The following GRM5 variants were observed in gnomAD, a reference collection of about 807,000 sequenced individuals.
GRM5 encodes the protein glutamate metabotropic receptor 5, also known as metabotropic glutamate receptor 5.
Under a neutral mutation model 83.1 loss-of-function variants are expected in GRM5, and 19 were observed. That is an observed-to-expected ratio of 0.23 (90% CI 0.16 to 0.34). The LOEUF (loss-of-function observed/expected upper bound fraction) is 0.34. Ranked by LOEUF, GRM5 falls within the 10% of genes least tolerant of loss-of-function variation. GRM5 has a pLI of 1.00. For missense variants in GRM5, 1,160 were observed against 1,588.3 expected (o/e 0.73, Z 4.58); for synonymous variants, 675 against 633.6 (o/e 1.07, Z -0.98).
rs1340694484 is a variant in GRM5 at position 88,891,457 on chromosome 11, C to A, written c.662-41302G>T. 2.0e-5 allele frequency among the ~76,000 whole-genome samples: 3 copies of A among 151,852 alleles called. No individual in the cohort carries two copies. In the East Asian group the frequency reaches 5.8e-4, roughly 29 times the overall value. On this transcript the variant is annotated intron_variant, in intron 2 of 9. Coordinates refer to ENST00000305447, the MANE Select transcript of GRM5 (RefSeq NM_001143831.3). ...GTGGCTTTCTAGATTGTTCAGGGGG[C>A]CCCTGAAACATTCAGAAAATAGGTG...
At chr11:88,595,227 A>G (rs952496706) in intron 6 of GRM5, among the ~76,000 whole-genome samples, 1 of 152,116 alleles carries the variant, frequency 6.6e-6, no homozygotes, top group African/African-American at 2.4e-5. Flanking sequence ...CCATCATCTC[A>G]AATATTTATT....
intron 4 of GRM5, among the ~76,000 whole-genome samples, chr11:88,611,329 T>C (rs1308151592): frequency 1.3e-5 from 2 of 152,228 alleles, no homozygotes; most frequent in Non-Finnish European, 2.9e-5. Flanking sequence ...AATTTGGCTT[T>C]GATTCTATTG....
At chr11:88,933,183 G>T in intron 2 of GRM5, among the ~76,000 whole-genome samples, 1 of 120,452 alleles carries the variant, frequency 8.3e-6, no homozygotes, top group Non-Finnish European at 1.6e-5. Context: ...CAAATATTTG[G>T]GGCATTTTTT....
intron 2 of GRM5, among the ~76,000 whole-genome samples, chr11:88,909,401 T>C (rs1038743571): frequency 1.8e-3 from 21 of 11,462 alleles, no homozygotes; most frequent in African/African-American, 3.1e-3. Flanking sequence ...TTTTCTACTT[T>C]CCACTGCCAA....
At chr11:88,862,075 G>A (rs1944573787) in intron 2 of GRM5, among the ~76,000 whole-genome samples, 1 of 152,254 alleles carries the variant, frequency 6.6e-6, no homozygotes. Context: ...AAGCTACTCT[G>A]CATTCATTGT....
At chr11:88,726,789 A>G (rs1487477696) in intron 3 of GRM5, among the ~76,000 whole-genome samples, 5 of 151,528 alleles carry the variant, frequency 3.3e-5, no homozygotes, top group South Asian at 2.1e-4. Flanking sequence ...CCAGCCAACT[A>G]AACTTCATAA....
chr11:89,006,129 G>C (rs1386651714), intron 2 of GRM5, among the ~76,000 whole-genome samples: 2 of 152,198 alleles, frequency 1.3e-5, no homozygotes, highest in African/African-American at 4.8e-5. Flanking sequence ...AATACGGAAA[G>C]AGAACAGTAT....
At position 88,855,659 on chromosome 11, in the gene GRM5, T is replaced by C. The variant is rs375000763; in HGVS notation, c.662-5504A>G. On this transcript the variant is annotated intron_variant, in intron 2 of 9. Transcript: ENST00000305447. ...GAAACATAGCTCACTTTAAATAATG[T>C]GTTTTATCATGGGATTTCTAAAATG... 3.4e-3 allele frequency among the ~76,000 whole-genome samples: 524 copies of C among 152,054 alleles called. 4 individuals carry two copies. The highest frequency in any genetic ancestry group is 0.012 in the African/African-American group (506 of 41,554).
At chr11:88,628,167 A>G (rs1331296193) in intron 4 of GRM5, among the ~76,000 whole-genome samples, 1 of 152,158 alleles carries the variant, frequency 6.6e-6, no homozygotes, top group Non-Finnish European at 1.5e-5. Context: ...CCCCAGATGC[A>G]TGCATTCTCT....
At position 88,653,160 on chromosome 11, in the gene GRM5, CT is replaced by C; in HGVS notation, c.1147+7del. ...ATGCATTTTAAATGAAATAATAAATCTGCTTACTATTGCAAGTCTTGTTGTA... is the reference window on the plus strand; with the variant it reads ...ATGCATTTTAAATGAAATAATAAATCGCTTACTATTGCAAGTCTTGTTGTA... On this transcript the variant is annotated splice_region_variant and intron_variant, in intron 4 of 9. Coordinates refer to ENST00000305447, the MANE Select transcript of GRM5 (RefSeq NM_001143831.3). 3 of 1,491,704 alleles carry C rather than the reference CT, an allele frequency of 2.0e-6. No individual in the cohort carries two copies. The highest frequency in any genetic ancestry group is 2.8e-6 in the Non-Finnish European group (3 of 1,069,384). The allele number at this position is 1,491,704 out of a possible 1,614,324, so 92.4% of individuals were successfully genotyped here. A position where few individuals can be genotyped will look rare whatever the true frequency, so the allele number is the denominator to read the frequency against.
chr11:89,010,842 C>T (rs959064173), intron 2 of GRM5, among the ~76,000 whole-genome samples: 1 of 151,680 alleles, frequency 6.6e-6, no homozygotes, highest in Admixed American at 6.6e-5. Context: ...TTAAGCCACA[C>T]CATGAGCTTG....
At chr11:88,844,245 T>C (rs370722830) in intron 3 of GRM5, among the ~76,000 whole-genome samples, 3 of 152,074 alleles carry the variant, frequency 2.0e-5, no homozygotes, top group African/African-American at 7.2e-5. Context: ...ACTTATGAAT[T>C]ATGTTACATG....
intron 4 of GRM5, among the ~76,000 whole-genome samples, chr11:88,650,845 A>G (rs1489017092): frequency 3.9e-5 from 6 of 152,004 alleles, no homozygotes; most frequent in Admixed American, 2.6e-4. Context: ...CCAATGTTTA[A>G]TAGTTATATG....
At position 88,936,262 on chromosome 11, in the gene GRM5, A is replaced by C. The variant is rs1360850209; in HGVS notation, c.662-86107T>G. Among the ~76,000 whole-genome samples, 31 of 151,946 alleles carry C rather than the reference A, an allele frequency of 2.0e-4. No individual in the cohort carries two copies. In the Admixed American group the frequency reaches 2.0e-3, roughly 10 times the overall value. ...TGGTTGTAAGAGATTTAAAATAACA[A>C]CATAAATATTTAAATAAAGGCCTAG... On this transcript the variant is annotated intron_variant, in intron 2 of 9. Coordinates refer to ENST00000305447, the MANE Select transcript of GRM5 (RefSeq NM_001143831.3).
intron 3 of GRM5, among the ~76,000 whole-genome samples, chr11:88,687,553 CATATATATTATATATATAT>C (rs1241856549): frequency 6.7e-5 from 1 of 14,902 alleles, no homozygotes; most frequent in Non-Finnish European, 1.2e-4. Context: ...CACACACACA[CATATATATTATATATATAT>C]ATATATAATA....
chr11:88,898,384 C>T (rs1351645390), intron 2 of GRM5, among the ~76,000 whole-genome samples: 1 of 151,980 alleles, frequency 6.6e-6, no homozygotes, highest in African/African-American at 2.4e-5. Flanking sequence ...GGCATTTGGA[C>T]TTTCACATCC....
chr11:88,915,762 A>G (rs1381556384), intron 2 of GRM5, among the ~76,000 whole-genome samples: 1 of 152,174 alleles, frequency 6.6e-6, no homozygotes, highest in Non-Finnish European at 1.5e-5. Context: ...TCTTCAAAGC[A>G]CCACTACCAA....
At chr11:88,872,201 T>A (rs1194258863) in intron 2 of GRM5, among the ~76,000 whole-genome samples, 1 of 151,452 alleles carries the variant, frequency 6.6e-6, no homozygotes, top group African/African-American at 2.4e-5. Flanking sequence ...CATATTATCA[T>A]AAATGCACAG....
intron 2 of GRM5, among the ~76,000 whole-genome samples, chr11:88,852,720 CAT>C (rs1489347108): frequency 1.6e-4 from 24 of 151,990 alleles, no homozygotes; most frequent in Admixed American, 6.6e-4. Context: ...AGTTTTAACA[CAT>C]GTGTGACATA....
Sources: allele counts gnomAD v4.1 joint callset (sites outside exome capture counted in the v4.1 genomes callset), GRCh38; gene constraint gnomAD v4.1.1; transcripts MANE v1.5; gene names NCBI Gene and HGNC (gene_info 2026-07-23, HGNC 2026-07-21).